DDX50: variants seen among roughly 807,000 people sequenced by gnomAD.
DDX50 encodes ATP-dependent RNA helicase DDX50.
A neutral mutation model predicts 94.8 loss-of-function variants in DDX50; 56 were observed. The observed-to-expected ratio is 0.59, with a 90% CI of 0.48 to 0.74. The LOEUF (loss-of-function observed/expected upper bound fraction) is 0.74, where lower values mean the gene tolerates loss of function less well. Ranked by LOEUF, DDX50 falls within the 30% of genes least tolerant of loss-of-function variation. The probability of loss-of-function intolerance (pLI) is 0.00; values close to 1 mark genes in which losing one functional copy is unlikely to be tolerated. For synonymous variants in DDX50, 264 were observed against 295.4 expected, an observed-to-expected ratio of 0.89 and a Z score of 1.09; for missense variants, 713 against 881.2, an observed-to-expected ratio of 0.81 and a Z score of 2.42.
intron 14 of DDX50, among the ~76,000 whole-genome samples, chr10:68,944,292 C>T (rs771897566): frequency 6.6e-6 from 1 of 151,972 alleles, no homozygotes; most frequent in African/African-American, 2.4e-5. Context: ...CCTCCTCCCT[C>T]TCTCTCTTTT....
intron 8 of DDX50, among the ~76,000 whole-genome samples, chr10:68,929,499 C>T (rs145526310): frequency 6.6e-6 from 1 of 151,560 alleles, no homozygotes; most frequent in African/African-American, 2.4e-5. Context: ...GATCTTGGCT[C>T]ACTGCAACCT....
At chr10:68,903,448 G>A (rs1036660042) in intron 1 of DDX50, among the ~76,000 whole-genome samples, 5 of 151,398 alleles carry the variant, frequency 3.3e-5, no homozygotes, top group African/African-American at 4.9e-5. Flanking sequence ...CGGGTGGATC[G>A]TGAGGTCAGG....
chr10:68,934,103 T>G lies in DDX50; in HGVS notation c.1240-96T>G. 1 of 1,272,744 alleles carries G rather than the reference T, an allele frequency of 7.9e-7. No individual in the cohort carries two copies. Among genetic ancestry groups the G allele is most frequent in the Non-Finnish European group, 1.1e-6 (1 of 947,446 alleles). The allele number at this position is 1,272,744 out of a possible 1,614,324, so 78.8% of individuals were successfully genotyped here. On this transcript the variant is annotated intron_variant, in intron 8 of 14. Coordinates refer to ENST00000373585, the MANE Select transcript of DDX50 (RefSeq NM_024045.2). The surrounding 1 kb of genome is among the most constrained non-coding windows in gnomAD (Gnocchi z 4.0). ...ATTGTTAAAATCATCAAAGTAAGAT[T>G]TAAAAACATGCAAAAGGAGCACAGA...
Position 68,946,550 on chromosome 10 carries a change from G to C in DDX50, c.2134G>C (p.Gly712Arg). The C allele has an allele frequency of 6.2e-7, 1 of 1,614,216 alleles. No individual in the cohort carries two copies. The highest frequency in any genetic ancestry group is 8.5e-7 in the Non-Finnish European group (1 of 1,180,040). ...GRQSRQGSRS[G>R]SRQDGRRRSG... ...ACAGAGTCGACAAGGAAGTCGCTCA[G>C]GAAGTCGACAAGATGGTAGAAGACG... The change falls in exon 15 of 15, where the codon GGA (glycine) becomes CGA (arginine). Residue 712 changes from glycine (G) to arginine (R), a missense_variant. Gly to Arg is a moderately radical substitution (Grantham distance 125). Coordinates refer to ENST00000373585, the MANE Select transcript of DDX50 (RefSeq NM_024045.2).
intron 1 of DDX50, among the ~76,000 whole-genome samples, chr10:68,905,998 T>G (rs1236232676): frequency 2.6e-5 from 4 of 152,220 alleles, no homozygotes; most frequent in African/African-American, 7.2e-5. Flanking sequence ...TAGTTGTATT[T>G]TGGAATTCAG....
At chr10:68,907,055 G>A (rs1841474826) in intron 2 of DDX50, 48 bp downstream of exon 2, 2 of 1,532,634 alleles carry the variant, frequency 1.3e-6, no homozygotes, top group South Asian at 1.3e-5. Flanking sequence ...TGAACTATAG[G>A]TTGATTTGAA....
At chr10:68,938,355 C>G (rs1420348844) in intron 12 of DDX50, among the ~76,000 whole-genome samples, 1 of 152,168 alleles carries the variant, frequency 6.6e-6, no homozygotes, top group Non-Finnish European at 1.5e-5. Flanking sequence ...CAAAACATAC[C>G]ACACCAGAAC....
At chr10:68,930,081 T>C (rs1842213516) in intron 8 of DDX50, among the ~76,000 whole-genome samples, 1 of 145,928 alleles carries the variant, frequency 6.9e-6, no homozygotes, top group African/African-American at 2.6e-5. Flanking sequence ...TCCTTTCCTT[T>C]CCCTTCCTTC....
chr10:68,927,808 A>G (rs372778666), intron 8 of DDX50, among the ~76,000 whole-genome samples: 33 of 152,318 alleles, frequency 2.2e-4, no homozygotes, highest in South Asian at 1.7e-3. Context: ...AGTCTTATGC[A>G]TGAATTAAAC....
intron 8 of DDX50, among the ~76,000 whole-genome samples, chr10:68,929,805 A>C (rs1380394271): frequency 7.0e-6 from 1 of 142,960 alleles, no homozygotes; most frequent in Non-Finnish European, 1.5e-5. Flanking sequence ...CGACTCACTG[A>C]AACCTCCGTC....
intron 12 of DDX50, among the ~76,000 whole-genome samples, chr10:68,938,476 T>C (rs1192157818): frequency 6.6e-6 from 1 of 151,934 alleles, no homozygotes; most frequent in Non-Finnish European, 1.5e-5. Flanking sequence ...GTGGAGAGAG[T>C]GAGTGAGCGA....
chr10:68,907,008 G>T lies in DDX50; in HGVS notation c.384+1G>T. ...ATCAAGTGATAATAAACTAGAGGAG[G>T]TATGGAAGCTTTTTATTTTGCATTT... is the stretch of plus-strand genomic sequence containing the variant. On this transcript the variant is annotated splice_donor_variant, in intron 2 of 14. Transcript: ENST00000373585. LOFTEE classifies it high-confidence loss of function. 6.4e-7 allele frequency: 1 copy of T among 1,571,080 alleles called. No homozygotes were observed. The highest frequency in any genetic ancestry group is 8.6e-7 in the Non-Finnish European group (1 of 1,168,794).
intron 7 of DDX50, among the ~76,000 whole-genome samples, chr10:68,917,335 C>T (rs1841824987): frequency 6.6e-6 from 1 of 151,946 alleles, no homozygotes; most frequent in Non-Finnish European, 1.5e-5. Context: ...TGGCACGTGC[C>T]TGTAGTCCCA....
At position 68,913,144 on chromosome 10, in the gene DDX50, T is replaced by G; in HGVS notation, c.640-18T>G. On this transcript the variant is annotated intron_variant, in intron 4 of 14. Coordinates refer to ENST00000373585, the MANE Select transcript of DDX50 (RefSeq NM_024045.2). ...TCTTTAGAAAAGTATCTTTTTGTTTTTTAAACCTCTTGCTCAGGTACTTGT... is the reference window on the plus strand; with the variant it reads ...TCTTTAGAAAAGTATCTTTTTGTTTGTTAAACCTCTTGCTCAGGTACTTGT... 1 of 1,575,074 alleles carries G rather than the reference T, an allele frequency of 6.3e-7. No homozygotes were observed. The highest frequency in any genetic ancestry group is 8.6e-7 in the Non-Finnish European group (1 of 1,167,914).
At chr10:68,908,073 A>G (rs1015588372) in intron 2 of DDX50, among the ~76,000 whole-genome samples, 1 of 152,210 alleles carries the variant, frequency 6.6e-6, no homozygotes, top group Non-Finnish European at 1.5e-5. Context: ...ATTTGGTTTA[A>G]ATAAAACATA....
intron 1 of DDX50, 50 bp downstream of exon 1, chr10:68,901,521 G>A (rs1180961962): frequency 6.5e-7 from 1 of 1,531,668 alleles, no homozygotes; most frequent in Non-Finnish European, 8.8e-7. Context: ...CGGCTTGGGC[G>A]GGGAGGGGAA....
rs981232739 is a variant in DDX50, at chr10:68,920,364, T to C, written c.1239+383T>C. The stretch of plus-strand genomic sequence containing the variant: ...ATTTTGTAGAGATAAGATTTCACCA[T>C]GTAGCCCAGGCTGGTCTTGAACTCC... On this transcript the variant is annotated intron_variant, in intron 8 of 14. Coordinates refer to ENST00000373585, the MANE Select transcript of DDX50 (RefSeq NM_024045.2). 7.2e-5 allele frequency among the ~76,000 whole-genome samples: 11 copies of C among 152,112 alleles called. No homozygotes were observed. In the East Asian group the frequency reaches 2.1e-3, roughly 29 times the overall value.
intron 7 of DDX50, among the ~76,000 whole-genome samples, chr10:68,916,211 G>A (rs1283190221): frequency 6.6e-6 from 1 of 151,866 alleles, no homozygotes; most frequent in East Asian, 1.9e-4. Flanking sequence ...AAAATTGGCT[G>A]GGCATAGTTG....
At chr10:68,928,935 C>T (rs12240846) in intron 8 of DDX50, among the ~76,000 whole-genome samples, 20,806 of 152,044 alleles carry the variant, frequency 0.14, 2,708 homozygotes, top group African/African-American at 0.34. Context: ...TTTAAAGTGT[C>T]CCATTTATTT....
Sources: gnomAD v4.1 joint callset for allele counts (sites outside exome capture counted in the v4.1 genomes callset) on GRCh38, gnomAD v4.1.1 for gene constraint, Gnocchi (gnomAD v3.1) non-coding constraint, MANE v1.5 for transcripts, NCBI Gene and HGNC (gene_info 2026-07-23, HGNC 2026-07-21) for gene names.